The following ARHGEF40 variants were observed in gnomAD, a reference collection of about 807,000 sequenced individuals.
ARHGEF40 encodes Rho guanine nucleotide exchange factor (GEF) 40.
ARHGEF40 carries 98 observed loss-of-function variants against 165.9 expected under a neutral mutation model. That is an observed-to-expected ratio of 0.59 (90% CI 0.50 to 0.70). The LOEUF (loss-of-function observed/expected upper bound fraction) is 0.70, where lower values mean the gene tolerates loss of function less well. Ranked by LOEUF, ARHGEF40 falls within the 30% of genes least tolerant of loss-of-function variation. The pLI, the probability that ARHGEF40 is intolerant of heterozygous loss-of-function variation, is 0.00. For missense variants in ARHGEF40, 1,815 were observed against 1,968.0 expected, an observed-to-expected ratio of 0.92 and a Z score of 1.47; for synonymous variants, 792 against 814.3, an observed-to-expected ratio of 0.97 and a Z score of 0.47.
At position 21,075,026 on chromosome 14, in the gene ARHGEF40, G is replaced by A; in HGVS notation, c.1296G>A (p.Lys432=). 1.2e-6 allele frequency: 2 copies of A among 1,614,008 alleles called. No homozygotes were observed. Among genetic ancestry groups the A allele is most frequent in the Non-Finnish European group, 8.5e-7 (1 of 1,180,022 alleles). ...EHKLPECHLV[K]EEYEGSGKPE... is the part of the protein sequence containing the mutation. ...AGCTTCCAGAATGCCACCTGGTTAA[G>A]GAGGAATATGAAGGCTCAGGGAAGC... Residue 432 remains lysine, a synonymous_variant, in exon 3 of 24, where the codon AAG becomes AAA. Transcript: ENST00000298694. This position sits in a 1 kb window ranked among gnomAD's most constrained non-coding sequence, Gnocchi z 4.5.
chr14:21,079,043 G>C, intron 11 of ARHGEF40, 33 bp downstream of exon 11: 1 of 1,593,732 alleles, frequency 6.3e-7, no homozygotes, highest in Non-Finnish European at 8.6e-7. Context: ...CTCTTACTCA[G>C]CCTGGGAGTG....
In ARHGEF40 at chr14:21,080,792, G is replaced by A; in HGVS notation, c.2496+10G>A. ...CAGCGCTGAGGTCCAGGTGAGAAGGGGCTGGAGGGCAGGTGAGAGGAGGCA... is the reference window on the plus strand; with the variant it reads ...CAGCGCTGAGGTCCAGGTGAGAAGGAGCTGGAGGGCAGGTGAGAGGAGGCA... On this transcript the variant is annotated intron_variant, in intron 12 of 23. Transcript: ENST00000298694. 1.9e-6 allele frequency: 3 copies of A among 1,604,554 alleles called. No individual in the cohort carries two copies. The highest frequency in any genetic ancestry group is 2.2e-5 in the East Asian group (1 of 44,702).
In ARHGEF40 at chr14:21,074,039, A is replaced by G; in HGVS notation, c.309A>G (p.Gly103=). The change falls in exon 3 of 24, where the codon GGA becomes GGG. Residue 103 remains glycine (G), a synonymous_variant. Transcript: ENST00000298694. The surrounding 1 kb of genome is among the most constrained non-coding windows in gnomAD (Gnocchi z 4.8). ...AALPWQLLRP[G]DFYLQVVPSA... is the part of the protein sequence containing the mutation. ...TACCCTGGCAACTGCTGCGCCCAGG[A>G]GACTTCTATCTGCAGGTGGTGCCCT... is the stretch of plus-strand genomic sequence containing the variant. 6.2e-7 allele frequency: 1 copy of G among 1,614,088 alleles called. No individual in the cohort carries two copies. Among genetic ancestry groups the G allele is most frequent in the Non-Finnish European group, 8.5e-7 (1 of 1,180,020 alleles).
rs1405153834 is a variant in ARHGEF40 at position 21,080,747 on chromosome 14, G to A, written c.2461G>A (p.Glu821Lys). The A allele has an allele frequency of 6.2e-7, 1 of 1,610,682 alleles. No homozygotes were observed. Among genetic ancestry groups the A allele is most frequent in the South Asian group, 1.1e-5 (1 of 90,624 alleles). ...CACCTTGTCTGCCCTGCAGGAGACAGAGCTGCGATTCCGTGCTTTCAGCGC... is the reference window on the plus strand; with the variant it reads ...CACCTTGTCTGCCCTGCAGGAGACAAAGCTGCGATTCCGTGCTTTCAGCGC... ...GDTLSALQET[E>K]LRFRAFSAEV... Residue 821 changes from glutamate (E) to lysine (K), a missense_variant, in exon 12 of 24, where the codon GAG becomes AAG. Coordinates refer to ENST00000298694, the MANE Select transcript of ARHGEF40 (RefSeq NM_018071.5).
At chr14:21,084,703 T>C (rs2139260953) in intron 17 of ARHGEF40, 50 bp from the exon 18 acceptor site, 1 of 1,575,334 alleles carries the variant, frequency 6.3e-7, no homozygotes, top group Non-Finnish European at 8.6e-7. Context: ...CCCTGTAAAA[T>C]ACAAACAAAG....
At chr14:21,076,951 T>C in intron 8 of ARHGEF40, 61 bp downstream of exon 8, 1 of 1,435,764 alleles carries the variant, frequency 7.0e-7, no homozygotes, top group South Asian at 1.2e-5. Flanking sequence ...CTGAAGACAT[T>C]CTAGGAGAGA....
chr14:21,084,141 G>C (rs565089104), intron 17 of ARHGEF40, 91 bp downstream of exon 17: 1 of 1,330,952 alleles, frequency 7.5e-7, no homozygotes, highest in South Asian at 1.5e-5. Flanking sequence ...CCAGGCTCCA[G>C]GTCAGAGGGC....
Position 21,073,230 on chromosome 14 carries a change from G to C in ARHGEF40, c.189G>C (p.Gln63His), listed in dbSNP as rs1887123846. The C allele has an allele frequency of 6.2e-7, 1 of 1,610,028 alleles. No homozygotes were observed. The highest frequency in any genetic ancestry group is 8.5e-7 in the Non-Finnish European group (1 of 1,178,374). ...CCAAGCACCTGCTTGCCAAGGTCCA[G>C]CAGGAAGCCTGTGTGAGTGGCCGTG... is the stretch of plus-strand genomic sequence containing the variant. ...VPAKHLLAKV[Q>H]QEACAQYSGF... The change falls in exon 2 of 24, where the codon CAG (glutamine) becomes CAC (histidine). Residue 63 changes from glutamine (Q) to histidine (H), a missense_variant. Physicochemically the swap from Gln to His is conservative, Grantham distance 24. Transcript: ENST00000298694. The surrounding 1 kb of genome is among the most constrained non-coding windows in gnomAD (Gnocchi z 4.6).
At position 21,075,019 on chromosome 14, in the gene ARHGEF40, T is replaced by C; in HGVS notation, c.1289T>C (p.Leu430Pro). 1 of 1,613,504 alleles carries C rather than the reference T, an allele frequency of 6.2e-7. No individual in the cohort carries two copies. The highest frequency in any genetic ancestry group is 8.5e-7 in the Non-Finnish European group (1 of 1,179,946). ...GAGCACAAGCTTCCAGAATGCCACC[T>C]GGTTAAGGAGGAATATGAAGGCTCA... ...PSEHKLPECHLVKEEYEGSGK... is the reference protein window; with the variant it reads ...PSEHKLPECHPVKEEYEGSGK... The change falls in exon 3 of 24, where the codon CTG (leucine) becomes CCG (proline). Residue 430 changes from leucine to proline, a missense_variant. Physicochemically the swap from Leu to Pro is moderately conservative, Grantham distance 98. Coordinates refer to ENST00000298694, the MANE Select transcript of ARHGEF40 (RefSeq NM_018071.5). This position sits in a 1 kb window ranked among gnomAD's most constrained non-coding sequence, Gnocchi z 4.5.
At position 21,080,957 on chromosome 14, in the gene ARHGEF40, C is replaced by A. The variant is rs1190649188; in HGVS notation, c.2581C>A (p.Leu861Met). 3 of 1,614,218 alleles carry A rather than the reference C, an allele frequency of 1.9e-6. No homozygotes were observed. In the Admixed American group the frequency reaches 5.0e-5, roughly 27 times the overall value. The part of the protein sequence containing the change: ...QKVLDIFEQR[L>M]EQVESGLHRA... ...GGTGCTGGATATCTTTGAACAGCGG[C>A]TGGAGCAGGTTGAGAGTGGCCTCCA... The change falls in exon 13 of 24, where the codon CTG becomes ATG. Residue 861 changes from leucine (L) to methionine (M), a missense_variant. Coordinates refer to ENST00000298694, the MANE Select transcript of ARHGEF40 (RefSeq NM_018071.5).
chr14:21,083,733 T>C, intron 16 of ARHGEF40, 102 bp from the exon 17 acceptor site: 2 of 1,074,310 alleles, frequency 1.9e-6, no homozygotes, highest in Non-Finnish European at 1.3e-6. Flanking sequence ...GCTTCATCTA[T>C]ACCCAAAAGC....
rs185796285 is a variant in ARHGEF40, at chr14:21,081,021, A to G, written c.2640+5A>G. ...CTACAGCGCTTCTTCCAGCAGGTGC[A>G]TGCAGAGCCTTTTCCTTCTGTGCCC... On this transcript the variant is annotated splice_donor_5th_base_variant and intron_variant, in intron 13 of 23. Coordinates refer to ENST00000298694, the MANE Select transcript of ARHGEF40 (RefSeq NM_018071.5). The G allele has an allele frequency of 1.0e-4, 163 of 1,610,328 alleles. 2 individuals are homozygous for G. The African/African-American group carries it at 1.9e-3, about 19-fold the overall frequency.
At chr14:21,084,166 T>C in intron 17 of ARHGEF40, 116 bp downstream of exon 17, 1 of 1,090,004 alleles carries the variant, frequency 9.2e-7, no homozygotes, top group South Asian at 1.6e-5. Flanking sequence ...GGCTCTAATT[T>C]CTAACCAGCT....
Position 21,087,397 on chromosome 14 carries a change from G to T in ARHGEF40, c.4321G>T (p.Ala1441Ser). ...GPSLPGLSPG[A>S]CSLPARVEEE... ...CTCCCTTCCCGGCCTTTCGCCGGGA[G>T]CCTGCTCCCTGCCTGCCCGCGTCGA... Residue 1441 changes from alanine (A) to serine (S), a missense_variant, in exon 21 of 24, where the codon GCC (alanine) becomes TCC (serine). By Grantham distance (99) the Ala-to-Ser change is moderately conservative. Coordinates refer to ENST00000298694, the MANE Select transcript of ARHGEF40 (RefSeq NM_018071.5). The T allele has an allele frequency of 6.2e-7, 1 of 1,602,952 alleles. No homozygotes were observed.
chr14:21,074,666 C>T lies in ARHGEF40; in HGVS notation c.936C>T (p.Thr312=), dbSNP rs764423064. 14 of 1,569,974 alleles carry T rather than the reference C, an allele frequency of 8.9e-6. No homozygotes were observed. In the South Asian group the frequency reaches 9.3e-5, roughly 10 times the overall value. The change falls in exon 3 of 24, where the codon ACC becomes ACT. Residue 312 remains threonine, a synonymous_variant. Coordinates refer to ENST00000298694, the MANE Select transcript of ARHGEF40 (RefSeq NM_018071.5). This position sits in a 1 kb window ranked among gnomAD's most constrained non-coding sequence, Gnocchi z 4.8. ...GARPPGEGSS[T]GASPESPPGA... is the part of the protein sequence containing the mutation. ...GCCCACCCGGCGAGGGGAGCAGCAC[C>T]GGAGCCTCCCCTGAGTCTCCCCCAG... is the stretch of plus-strand genomic sequence containing the variant.
rs1205950127 is a variant in ARHGEF40 at position 21,080,206 on chromosome 14, ACACACACAC to A, written c.2374-453_2374-445del. On this transcript the variant is annotated intron_variant, in intron 11 of 23. Coordinates refer to ENST00000298694, the MANE Select transcript of ARHGEF40 (RefSeq NM_018071.5). ...ATTAGGAAATTAAAGCCGGACACAC[ACACACACAC>A]ACACACACACACACACACACACACA... Among the ~76,000 whole-genome samples, 9 of 2,800 alleles carry A rather than the reference ACACACACAC, an allele frequency of 3.2e-3. No homozygotes were observed. The South Asian group carries it at 0.058, about 18-fold the overall frequency. 1.8% of individuals were successfully genotyped at this position (2,800 alleles called of 152,430 possible). A position where few individuals can be genotyped will look rare whatever the true frequency, so the allele number is the denominator to read the frequency against.
chr14:21,068,556 GGTTTTTTA>G (rs1418379619), upstream of ARHGEF40, among the ~76,000 whole-genome samples: 8 of 152,164 alleles, frequency 5.3e-5, no homozygotes, highest in African/African-American at 1.7e-4. Flanking sequence ...AGGTGAATAA[GGTTTTTTA>G]AACACTGGCC....
At chr14:21,077,546 G>A (rs769576528) in intron 8 of ARHGEF40, among the ~76,000 whole-genome samples, 2 of 152,120 alleles carry the variant, frequency 1.3e-5, no homozygotes, top group Non-Finnish European at 2.9e-5. Context: ...CAAAAGGCTG[G>A]TTCTTGTTCC....
chr14:21,081,411 C>T, intron 13 of ARHGEF40, 98 bp from the exon 14 acceptor site: 1 of 1,503,012 alleles, frequency 6.7e-7, no homozygotes, highest in Non-Finnish European at 9.0e-7. Context: ...CATTGGGAGG[C>T]CACAGGCAAG....
Sources: allele counts gnomAD v4.1 joint callset (sites outside exome capture counted in the v4.1 genomes callset), GRCh38; gene constraint gnomAD v4.1.1; non-coding constraint Gnocchi (gnomAD v3.1); transcripts MANE v1.5; gene names NCBI Gene and HGNC (gene_info 2026-07-23, HGNC 2026-07-21).